Variants in CLSTN2 observed in about 807,000 individuals in gnomAD.
The protein encoded by CLSTN2 is calsyntenin-2.
CLSTN2 carries 48 observed loss-of-function variants against 101.2 expected under a neutral mutation model. The observed-to-expected ratio is 0.47, with a 90% CI of 0.38 to 0.60. The LOEUF is 0.60. Ranked by LOEUF, CLSTN2 falls within the 20% of genes least tolerant of loss-of-function variation. The pLI is 0.00. For missense variants in CLSTN2, 1,160 were observed against 1,238.2 expected, an observed-to-expected ratio of 0.94 and a Z score of 0.95; for synonymous variants, 481 against 463.6, an observed-to-expected ratio of 1.04 and a Z score of -0.48.
At chr3:140,562,510 C>T (rs1935937892) in intron 13 of CLSTN2, among the ~76,000 whole-genome samples, 1 of 152,190 alleles carries the variant, frequency 6.6e-6, no homozygotes, top group South Asian at 2.1e-4. Flanking sequence ...CCCACATTCC[C>T]ACTCCTGGGG....
chr3:140,202,287 G>T (rs1056980696), intron 2 of CLSTN2, among the ~76,000 whole-genome samples: 1 of 152,246 alleles, frequency 6.6e-6, no homozygotes, highest in Non-Finnish European at 1.5e-5. Flanking sequence ...TGCAGTAACA[G>T]CTGAGAGTGC....
intron 5 of CLSTN2, among the ~76,000 whole-genome samples, chr3:140,446,344 A>G (rs956501352): frequency 2.6e-5 from 4 of 152,112 alleles, no homozygotes; most frequent in African/African-American, 9.7e-5. Flanking sequence ...TCTCATCCAA[A>G]CATCCTCTTA....
intron 1 of CLSTN2, among the ~76,000 whole-genome samples, chr3:139,951,172 G>C (rs1049256094): frequency 6.6e-6 from 1 of 152,152 alleles, no homozygotes; most frequent in Non-Finnish European, 1.5e-5. Flanking sequence ...AAGCAGAGTG[G>C]TGCCTGGATC....
chr3:140,073,148 T>C lies in CLSTN2; in HGVS notation c.110-102803T>C, dbSNP rs569297445. 1.4e-3 allele frequency among the ~76,000 whole-genome samples: 217 copies of C among 152,290 alleles called. 1 individual carries two copies. Among genetic ancestry groups the C allele is most frequent in the African/African-American group, 5.0e-3 (208 of 41,556 alleles). On this transcript the variant is annotated intron_variant, in intron 1 of 16. Coordinates refer to ENST00000458420, the MANE Select transcript of CLSTN2 (RefSeq NM_022131.3). ...GATCCAAAACACTGCTTTTCGGTCA[T>C]TTTCTTGTAAGATATCATCAAAGTG...
chr3:140,166,675 T>C (rs570796122), intron 1 of CLSTN2, among the ~76,000 whole-genome samples: 61 of 152,238 alleles, frequency 4.0e-4, no homozygotes, highest in Non-Finnish European at 6.9e-4. Context: ...TGTGCTCTAG[T>C]TAAAGGCACA....
intron 1 of CLSTN2, among the ~76,000 whole-genome samples, chr3:139,995,986 T>C (rs983897): frequency 0.99 from 151,271 of 152,346 alleles, 75,109 homozygotes; most frequent in South Asian, 1. Flanking sequence ...TGTGAACCTA[T>C]AGCTCAAACT....
intron 1 of CLSTN2, among the ~76,000 whole-genome samples, chr3:140,082,976 G>A (rs1301466038): frequency 6.6e-6 from 1 of 152,148 alleles, no homozygotes; most frequent in Non-Finnish European, 1.5e-5. Context: ...ATTTCAACCA[G>A]AGGGCCTTTA....
At chr3:140,398,603 CA>C (rs1158237140) in intron 2 of CLSTN2, among the ~76,000 whole-genome samples, 2 of 152,176 alleles carry the variant, frequency 1.3e-5, no homozygotes, top group Admixed American at 6.5e-5. Flanking sequence ...CACACTCACC[CA>C]GTAAGTGATA....
intron 1 of CLSTN2, among the ~76,000 whole-genome samples, chr3:140,127,031 A>ATATCGTGTCATTATATG (rs2009445665): frequency 6.6e-6 from 1 of 151,374 alleles, no homozygotes; most frequent in Non-Finnish European, 1.5e-5. Context: ...TCATATATAT[A>ATATCGTGTCATTATATG]TATCATGTGT....
chr3:140,168,108 A>G (rs1421730206), intron 1 of CLSTN2, among the ~76,000 whole-genome samples: 1 of 152,208 alleles, frequency 6.6e-6, no homozygotes, highest in Non-Finnish European at 1.5e-5. Context: ...ATAAGAAACT[A>G]TTTTGCAAAG....
At chr3:140,297,081 A>C (rs1268467208) in intron 2 of CLSTN2, among the ~76,000 whole-genome samples, 2 of 152,186 alleles carry the variant, frequency 1.3e-5, no homozygotes, top group Admixed American at 6.5e-5. Context: ...CACTATGAGG[A>C]GCTCTTTGGA....
Position 140,011,857 on chromosome 3 carries a change from G to A in CLSTN2, c.109+76374G>A, listed in dbSNP as rs142693792. Among the ~76,000 whole-genome samples the A allele has an allele frequency of 3.0e-3, 461 of 152,150 alleles. 3 individuals are homozygous for A. The highest frequency in any genetic ancestry group is 0.011 in the African/African-American group (451 of 41,516). On this transcript the variant is annotated intron_variant, in intron 1 of 16. Transcript: ENST00000458420. The stretch of plus-strand genomic sequence containing the variant: ...CAGTGACAGGCAGTGGGTGTGGGGT[G>A]AGAGTGGGGCTGTGAGGGAAAGGAC...
At chr3:140,524,192 C>A (rs940121567) in intron 8 of CLSTN2, among the ~76,000 whole-genome samples, 4 of 152,168 alleles carry the variant, frequency 2.6e-5, no homozygotes, top group Admixed American at 2.6e-4. Context: ...GCAGGCTAGG[C>A]TGTAGCATGG....
chr3:140,220,222 C>T (rs1423906099), intron 2 of CLSTN2, among the ~76,000 whole-genome samples: 1 of 152,204 alleles, frequency 6.6e-6, no homozygotes, highest in Non-Finnish European at 1.5e-5. Context: ...GGTCTTTAGT[C>T]TTTTCTGCTC....
intron 8 of CLSTN2, among the ~76,000 whole-genome samples, chr3:140,479,954 T>C (rs1005543109): frequency 2.6e-5 from 4 of 152,146 alleles, no homozygotes; most frequent in Non-Finnish European, 5.9e-5. Flanking sequence ...ATAAACTCTT[T>C]TTTTTTTATT....
chr3:140,484,404 C>T (rs1934194636), intron 8 of CLSTN2, among the ~76,000 whole-genome samples: 1 of 152,124 alleles, frequency 6.6e-6, no homozygotes, highest in Non-Finnish European at 1.5e-5. Flanking sequence ...ACATTTTTTC[C>T]TTCATTTCAA....
chr3:140,504,962 G>A (rs1254665962), intron 8 of CLSTN2, among the ~76,000 whole-genome samples: 2 of 152,204 alleles, frequency 1.3e-5, no homozygotes, highest in Non-Finnish European at 2.9e-5. Context: ...GTAACAGCCT[G>A]TGCTTAAGAT....
At chr3:140,321,013 T>C (rs1304419822) in intron 2 of CLSTN2, among the ~76,000 whole-genome samples, 3 of 152,282 alleles carry the variant, frequency 2.0e-5, no homozygotes, top group African/African-American at 7.2e-5. Flanking sequence ...ACAAAGGATG[T>C]GCTGGGAGTA....
chr3:140,035,272 T>G (rs1167946669), intron 1 of CLSTN2, among the ~76,000 whole-genome samples: 1 of 152,246 alleles, frequency 6.6e-6, no homozygotes, highest in African/African-American at 2.4e-5. Flanking sequence ...GAGATCCCAG[T>G]GGTACCTTGT....
Sources: allele counts gnomAD v4.1 joint callset (sites outside exome capture counted in the v4.1 genomes callset), GRCh38; gene constraint gnomAD v4.1.1; transcripts MANE v1.5; gene names NCBI Gene and HGNC (gene_info 2026-07-23, HGNC 2026-07-21).